Variants in SLC8A1 observed in about 807,000 individuals in gnomAD.
SLC8A1 encodes the protein sodium/calcium exchanger 1.
Under a neutral mutation model 68.3 loss-of-function variants are expected in SLC8A1, and 18 were observed. That is an observed-to-expected ratio of 0.26 (90% CI 0.18 to 0.39). SLC8A1 has a LOEUF of 0.39. SLC8A1 is among the 10% of genes least tolerant of loss of function. The pLI is 1.00. For missense variants in SLC8A1, 985 were observed against 1,156.7 expected, an observed-to-expected ratio of 0.85 and a Z score of 2.15; for synonymous variants, 475 against 415.5, an observed-to-expected ratio of 1.14 and a Z score of -1.74.
chr2:40,417,876 C>CACAA (rs1348755853), intron 2 of SLC8A1, among the ~76,000 whole-genome samples: 5 of 151,848 alleles, frequency 3.3e-5, no homozygotes, highest in African/African-American at 1.2e-4. Flanking sequence ...TGGATACACA[C>CACAA]ACACACACAC....
intron 2 of SLC8A1, among the ~76,000 whole-genome samples, chr2:40,316,742 G>A (rs144308957): frequency 1.6e-3 from 248 of 151,862 alleles, no homozygotes; most frequent in South Asian, 0.01. Flanking sequence ...GGGCCCTAAC[G>A]TGGCTGTCCA....
chr2:40,244,300 A>G (rs2061566122), intron 2 of SLC8A1, among the ~76,000 whole-genome samples: 1 of 152,166 alleles, frequency 6.6e-6, no homozygotes, highest in African/African-American at 2.4e-5. Context: ...TCATTTACTG[A>G]GCATCTACTA....
intron 1 of SLC8A1, among the ~76,000 whole-genome samples, chr2:40,450,006 G>A (rs1312074028): frequency 1.3e-5 from 2 of 152,156 alleles, no homozygotes; most frequent in African/African-American, 4.8e-5. Context: ...TCTTCAAGCA[G>A]GCAGAATTTG....
chr2:40,363,391 T>G (rs919487641), intron 2 of SLC8A1, among the ~76,000 whole-genome samples: 3 of 152,100 alleles, frequency 2.0e-5, no homozygotes, highest in Non-Finnish European at 1.5e-5. Context: ...ACAGTTATTT[T>G]GTGTCACTAC....
chr2:40,308,372 G>T (rs1226015502), intron 2 of SLC8A1, among the ~76,000 whole-genome samples: 1 of 152,102 alleles, frequency 6.6e-6, no homozygotes, highest in African/African-American at 2.4e-5. Flanking sequence ...TTCTGCAAAG[G>T]TAGACACTTT....
At chr2:40,254,507 C>CA (rs1159526273) in intron 2 of SLC8A1, 1 of 114,056 alleles carries the variant, frequency 8.8e-6, no homozygotes, top group African/African-American at 3.4e-5. Context: ...TTGAAAATAT[C>CA]AAAAACATGA....
chr2:40,322,307 G>A (rs2075293474), intron 2 of SLC8A1, among the ~76,000 whole-genome samples: 1 of 151,758 alleles, frequency 6.6e-6, no homozygotes, highest in South Asian at 2.1e-4. Flanking sequence ...CTTCAACTCA[G>A]TAGGTAATCC....
At chr2:40,435,809 C>A (rs576664892) in intron 1 of SLC8A1, among the ~76,000 whole-genome samples, 2 of 152,170 alleles carry the variant, frequency 1.3e-5, no homozygotes, top group South Asian at 4.1e-4. Context: ...TAGTCTTGCT[C>A]CTGTCGCCCA....
chr2:40,111,571 A>G (rs541412143), exon 8 of SLC8A1: 1 of 152,174 alleles, frequency 6.6e-6, no homozygotes, highest in South Asian at 2.1e-4. Flanking sequence ...TAAGTCCACT[A>G]ATATGTCAAC....
chr2:40,269,092 G>T (rs899642801), intron 2 of SLC8A1, among the ~76,000 whole-genome samples: 36 of 152,164 alleles, frequency 2.4e-4, no homozygotes, highest in African/African-American at 8.0e-4. Context: ...AGATAATCTG[G>T]TGTTAAAAAG....
intron 2 of SLC8A1, among the ~76,000 whole-genome samples, chr2:40,398,199 G>T (rs1687589614): frequency 6.6e-6 from 1 of 152,164 alleles, no homozygotes; most frequent in African/African-American, 2.4e-5. Context: ...AGTACAACGT[G>T]CCTTGGTCCC....
At chr2:40,316,356 T>A (rs2074445870) in intron 2 of SLC8A1, among the ~76,000 whole-genome samples, 1 of 152,028 alleles carries the variant, frequency 6.6e-6, no homozygotes, top group African/African-American at 2.4e-5. Flanking sequence ...AAGCAGTATG[T>A]TCTCTCTACT....
At chr2:40,400,597 A>G (rs967575) in intron 2 of SLC8A1, among the ~76,000 whole-genome samples, 131,295 of 152,152 alleles carry the variant, frequency 0.86, 57,070 homozygotes, top group East Asian at 1. Context: ...GAGAAGGAGA[A>G]GCAGGCAGAC....
intron 1 of SLC8A1, among the ~76,000 whole-genome samples, chr2:40,466,634 T>C (rs1331520298): frequency 6.6e-6 from 1 of 152,112 alleles, no homozygotes. Flanking sequence ...GCAATAAGGA[T>C]AAAGTGCTCT....
intron 7 of SLC8A1, among the ~76,000 whole-genome samples, chr2:40,128,348 A>C (rs892093299): frequency 7.2e-5 from 11 of 152,148 alleles, no homozygotes; most frequent in African/African-American, 2.7e-4. Flanking sequence ...TTTAGCAACA[A>C]TGTGTCATTC....
intron 2 of SLC8A1, among the ~76,000 whole-genome samples, chr2:40,182,582 T>C (rs1289339817): frequency 6.6e-6 from 1 of 152,206 alleles, no homozygotes; most frequent in Non-Finnish European, 1.5e-5. Context: ...TGCCTTTTAT[T>C]TGATGATACC....
At chr2:40,098,924 C>G (rs1181829983) in exon 8 of SLC8A1, 1 of 151,994 alleles carries the variant, frequency 6.6e-6, no homozygotes, top group Non-Finnish European at 1.5e-5. Context: ...AATACCTCCA[C>G]TTTTAACGTT....
At chr2:40,332,173 A>G (rs1441408993) in intron 2 of SLC8A1, among the ~76,000 whole-genome samples, 4 of 152,218 alleles carry the variant, frequency 2.6e-5, no homozygotes, top group Admixed American at 2.0e-4. Flanking sequence ...GCAACACCGT[A>G]AGTATTTTAT....
chr2:40,257,906 A>G (rs932935907), intron 2 of SLC8A1, among the ~76,000 whole-genome samples: 4 of 152,214 alleles, frequency 2.6e-5, no homozygotes, highest in African/African-American at 9.7e-5. Context: ...CGCAGCAAAG[A>G]TAGATAATGC....
Sources: allele counts gnomAD v4.1 joint callset (sites outside exome capture counted in the v4.1 genomes callset), GRCh38; gene constraint gnomAD v4.1.1; transcripts MANE v1.5; gene names NCBI Gene and HGNC (gene_info 2026-07-23, HGNC 2026-07-21).